Variants in WDR41 observed in about 807,000 individuals in gnomAD.
WDR41 encodes WD repeat domain 41, also known as WD repeat-containing protein 41.
WDR41 carries 63 observed loss-of-function variants against 69.3 expected under a neutral mutation model. The ratio of observed to expected loss-of-function variants is 0.91; its 90% CI spans 0.74 to 1.12. The LOEUF is 1.12. WDR41 is among the 50% of genes most tolerant of loss of function. The pLI is 0.00. For synonymous variants in WDR41, 185 were observed against 192.1 expected (o/e 0.96, Z 0.31); for missense variants, 543 against 534.5 (o/e 1.02, Z -0.16).
intron 1 of WDR41, among the ~76,000 whole-genome samples, chr5:77,538,694 G>C (rs926944115): frequency 5.3e-5 from 8 of 152,156 alleles, no homozygotes; most frequent in African/African-American, 1.9e-4. Flanking sequence ...CTTTAAAAAT[G>C]TACATTGAAG....
At chr5:77,494,703 C>T (rs1048480999), upstream of WDR41, among the ~76,000 whole-genome samples, 3 of 152,058 alleles carry the variant, frequency 2.0e-5, no homozygotes, top group Admixed American at 1.3e-4. Flanking sequence ...TATAGTTCTA[C>T]AACAATGGTA....
chr5:77,519,688 T>C (rs1802344095), intron 1 of WDR41, among the ~76,000 whole-genome samples: 1 of 151,902 alleles, frequency 6.6e-6, no homozygotes, highest in Admixed American at 6.6e-5. Context: ...CATGTATTTT[T>C]CATCTTTATT....
chr5:77,479,316 A>T (rs1234495850), intron 2 of WDR41, among the ~76,000 whole-genome samples: 2 of 151,992 alleles, frequency 1.3e-5, no homozygotes, highest in Non-Finnish European at 2.9e-5. Flanking sequence ...GAATTGGAAA[A>T]AACTACTTTA....
intron 1 of WDR41, among the ~76,000 whole-genome samples, chr5:77,554,612 T>C (rs954244800): frequency 6.7e-6 from 1 of 149,348 alleles, no homozygotes; most frequent in African/African-American, 2.4e-5. Context: ...TTATATAATA[T>C]AAATTTTTTA....
chr5:77,486,899 G>A lies in WDR41; in HGVS notation c.167+2558C>T, dbSNP rs931330443. ...GGTGTGACAGCTGACAGAGCATATA[G>A]GTAACTAACATACCCACATATGGCT... On this transcript the variant is annotated intron_variant, in intron 2 of 12. Transcript: ENST00000296679. Among the ~76,000 whole-genome samples, 4 of 152,256 alleles carry A rather than the reference G, an allele frequency of 2.6e-5. No individual in the cohort carries two copies. The East Asian group carries it at 7.7e-4, about 29-fold the overall frequency.
intron 1 of WDR41, among the ~76,000 whole-genome samples, chr5:77,577,912 C>T (rs745491078): frequency 6.6e-6 from 1 of 152,190 alleles, no homozygotes; most frequent in Non-Finnish European, 1.5e-5. Flanking sequence ...ACTCAGAACA[C>T]TTACCTTAGC....
intron 2 of WDR41, among the ~76,000 whole-genome samples, chr5:77,470,454 A>T (rs1369328776): frequency 6.6e-6 from 1 of 152,198 alleles, no homozygotes; most frequent in Non-Finnish European, 1.5e-5. Context: ...TAAATGGGCT[A>T]AATGCTCCAA....
At chr5:77,513,430 A>G (rs1272818010) in intron 1 of WDR41, among the ~76,000 whole-genome samples, 1 of 152,180 alleles carries the variant, frequency 6.6e-6, no homozygotes, top group African/African-American at 2.4e-5. Flanking sequence ...AAATAACAGC[A>G]GAAGAATTCA....
intron 1 of WDR41, among the ~76,000 whole-genome samples, chr5:77,561,035 A>G (rs1743514032): frequency 6.6e-6 from 1 of 152,156 alleles, no homozygotes; most frequent in Admixed American, 6.5e-5. Context: ...GGTTGCCCCA[A>G]ACCTGATTAG....
intron 1 of WDR41, among the ~76,000 whole-genome samples, chr5:77,611,875 T>C (rs372784576): frequency 3.0e-4 from 46 of 150,934 alleles, no homozygotes; most frequent in African/African-American, 1.0e-3. Context: ...AAAGGATCAA[T>C]AAAATTGATA....
At chr5:77,536,889 G>A (rs1391883295) in intron 1 of WDR41, among the ~76,000 whole-genome samples, 4 of 152,174 alleles carry the variant, frequency 2.6e-5, no homozygotes, top group Non-Finnish European at 5.9e-5. Context: ...GATGACTATA[G>A]TTCAGAATTG....
intron 5 of WDR41, 42 bp from the exon 6 acceptor site, chr5:77,453,970 A>G: frequency 6.8e-7 from 1 of 1,481,018 alleles, no homozygotes; most frequent in Non-Finnish European, 9.4e-7. Flanking sequence ...TAGAAACTTA[A>G]GCAGTCATTG....
chr5:77,538,741 G>T (rs1263675095), intron 1 of WDR41, among the ~76,000 whole-genome samples: 3 of 152,140 alleles, frequency 2.0e-5, no homozygotes, highest in African/African-American at 7.2e-5. Flanking sequence ...CTAAGAAGCT[G>T]GTCTTGTAAC....
chr5:77,551,057 G>A (rs772150728), intron 1 of WDR41, among the ~76,000 whole-genome samples: 2 of 152,050 alleles, frequency 1.3e-5, no homozygotes, highest in Non-Finnish European at 2.9e-5. Flanking sequence ...CTAGAGGAAG[G>A]AGAGAGAGAG....
At chr5:77,443,824 A>G (rs1020695211) in intron 8 of WDR41, among the ~76,000 whole-genome samples, 9 of 150,504 alleles carry the variant, frequency 6.0e-5, no homozygotes, top group African/African-American at 2.2e-4. Context: ...AATATTAATG[A>G]CCAGTTGGAA....
At chr5:77,519,954 A>G (rs1056550771) in intron 1 of WDR41, among the ~76,000 whole-genome samples, 1 of 151,916 alleles carries the variant, frequency 6.6e-6, no homozygotes. Flanking sequence ...AAAATTTTGT[A>G]TTTTTTGTAA....
intron 1 of WDR41, among the ~76,000 whole-genome samples, chr5:77,518,697 A>G (rs1182150180): frequency 6.6e-6 from 1 of 152,142 alleles, no homozygotes; most frequent in Non-Finnish European, 1.5e-5. Flanking sequence ...TGGAATAGCT[A>G]CGAACTTAAA....
chr5:77,504,373 C>T (rs902194596), intron 1 of WDR41, among the ~76,000 whole-genome samples: 4 of 152,118 alleles, frequency 2.6e-5, no homozygotes, highest in Admixed American at 2.0e-4. Flanking sequence ...GAAATTGACG[C>T]AATAATTAAT....
In WDR41 at chr5:77,433,294, A is replaced by T; in HGVS notation, c.1228-7T>A. The T allele has an allele frequency of 6.2e-7, 1 of 1,608,556 alleles. No homozygotes were observed. The highest frequency in any genetic ancestry group is 8.5e-7 in the Non-Finnish European group (1 of 1,178,362). On this transcript the variant is annotated splice_polypyrimidine_tract_variant and splice_region_variant and intron_variant, in intron 12 of 12. Coordinates refer to ENST00000296679, the MANE Select transcript of WDR41 (RefSeq NM_018268.4). Reference sequence around the variant, plus strand: ...CTTCAAAGTATAGAAACATCTGTAAAGAAAATTAAAACTGATTATAGGGAC... The same window carrying T: ...CTTCAAAGTATAGAAACATCTGTAATGAAAATTAAAACTGATTATAGGGAC...
Sources: gnomAD v4.1 joint callset for allele counts (sites outside exome capture counted in the v4.1 genomes callset) on GRCh38, gnomAD v4.1.1 for gene constraint, MANE v1.5 for transcripts, NCBI Gene and HGNC (gene_info 2026-07-23, HGNC 2026-07-21) for gene names.